The following MIS18BP1 variants were observed in gnomAD, a reference collection of about 807,000 sequenced individuals.
MIS18BP1 encodes the protein mis18-binding protein 1.
A neutral mutation model predicts 116.1 loss-of-function variants in MIS18BP1; 72 were observed. The ratio of observed to expected loss-of-function variants is 0.62; its 90% confidence interval spans 0.51 to 0.75. The LOEUF (loss-of-function observed/expected upper bound fraction) is 0.75, where lower values mean the gene tolerates loss of function less well. Ranked by LOEUF, MIS18BP1 falls within the 30% of genes least tolerant of loss-of-function variation. The pLI is 0.00. For missense variants in MIS18BP1, 1,363 were observed against 1,303.2 expected (o/e 1.05, Z -0.71); for synonymous variants, 386 against 427.0 (o/e 0.90, Z 1.18).
chr14:45,210,063 A>G (rs1295223713), intron 14 of MIS18BP1: 1 of 190,470 alleles, frequency 5.3e-6, no homozygotes, highest in Admixed American at 6.1e-5. Flanking sequence ...AGTTAGAAAG[A>G]CCATCACTAA....
chr14:45,242,435 T>C lies in MIS18BP1; in HGVS notation c.742A>G (p.Lys248Glu), dbSNP rs146886516. ...NKTLTRAQLA[K>E]QIFHSKESIV... is the part of the protein sequence containing the mutation. ...CTCTCCTTTGAGTGAAAAATTTGTTTAGCCAACTGAGCTCTAGTTAATGTC... is the reference window on the plus strand; with the variant it reads ...CTCTCCTTTGAGTGAAAAATTTGTTCAGCCAACTGAGCTCTAGTTAATGTC... The change falls in exon 4 of 17, where the codon AAA (lysine) becomes GAA (glutamate). Residue 248 changes from lysine (K) to glutamate (E), a missense_variant. Transcript: ENST00000310806. The C allele has an allele frequency of 2.6e-4, 413 of 1,613,824 alleles. 4 individuals are homozygous for C. Among genetic ancestry groups the C allele is most frequent in the African/African-American group, 1.7e-3 (129 of 75,028 alleles).
intron 14 of MIS18BP1, among the ~76,000 whole-genome samples, chr14:45,206,675 TAAATC>T (rs1401760646): frequency 1.3e-5 from 2 of 152,218 alleles, no homozygotes; most frequent in Non-Finnish European, 2.9e-5. Context: ...ACAAAATGCT[TAAATC>T]AAACATTTTA....
chr14:45,204,565 A>G (rs1000512552), intron 15 of MIS18BP1, 112 bp from the exon 16 acceptor site: 3 of 667,074 alleles, frequency 4.5e-6, no homozygotes, highest in South Asian at 2.2e-5. Context: ...ATATGCCTAT[A>G]ACAACATTTA....
At chr14:45,240,555 T>C (rs1392695527) in intron 4 of MIS18BP1, among the ~76,000 whole-genome samples, 1 of 152,072 alleles carries the variant, frequency 6.6e-6, no homozygotes, top group African/African-American at 2.4e-5. Flanking sequence ...GCACAGAATA[T>C]TCTTCTCAAC....
intron 6 of MIS18BP1, among the ~76,000 whole-genome samples, 186 bp from the exon 7 acceptor site, chr14:45,233,006 C>T (rs901558518): frequency 2.0e-5 from 3 of 152,150 alleles, no homozygotes; most frequent in African/African-American, 7.2e-5. Flanking sequence ...TGGAACTTGG[C>T]TTCTAATGTG....
intron 2 of MIS18BP1, among the ~76,000 whole-genome samples, chr14:45,243,956 A>G (rs948786284): frequency 6.6e-6 from 1 of 152,194 alleles, no homozygotes; most frequent in African/African-American, 2.4e-5. Flanking sequence ...TATTATATTT[A>G]AAAACTTTAA....
At chr14:45,240,175 G>C (rs1466533790) in intron 4 of MIS18BP1, among the ~76,000 whole-genome samples, 1 of 151,922 alleles carries the variant, frequency 6.6e-6, no homozygotes, top group Non-Finnish European at 1.5e-5. Flanking sequence ...CCTAGAGAGT[G>C]CGTGTAGGTA....
chr14:45,204,531 G>A (rs1391908472), intron 15 of MIS18BP1, 78 bp from the exon 16 acceptor site: 3 of 1,036,714 alleles, frequency 2.9e-6, no homozygotes, highest in Non-Finnish European at 4.3e-6. Flanking sequence ...AATTAAGCAT[G>A]CTTATCCCCA....
chr14:45,211,008 G>C (rs1019457079), intron 13 of MIS18BP1, among the ~76,000 whole-genome samples: 1 of 152,138 alleles, frequency 6.6e-6, no homozygotes, highest in Non-Finnish European at 1.5e-5. Context: ...GCCTGTAACC[G>C]AGTAGCGTGG....
At chr14:45,242,658 T>C in intron 3 of MIS18BP1, 103 bp downstream of exon 3, 1 of 1,450,888 alleles carries the variant, frequency 6.9e-7, no homozygotes, top group Non-Finnish European at 9.2e-7. Context: ...TTCAAGCTTT[T>C]GTCCACAGCT....
rs201283030 is a variant in MIS18BP1 at position 45,227,831 on chromosome 14, G to A, written c.1595-17C>T. 14 of 1,606,942 alleles carry A rather than the reference G, an allele frequency of 8.7e-6. No homozygotes were observed. The Admixed American group carries it at 2.0e-4, about 23-fold the overall frequency. The stretch of plus-strand genomic sequence containing the variant: ...TCTTCAGTTCTATGAATACAAAGAT[G>A]GAGATTTCAATAAATGGTTATATAA... On this transcript the variant is annotated splice_polypyrimidine_tract_variant and intron_variant, in intron 8 of 16. Coordinates refer to ENST00000310806, the MANE Select transcript of MIS18BP1 (RefSeq NM_018353.5).
At chr14:45,237,432 T>G (rs1471702060) in intron 5 of MIS18BP1, among the ~76,000 whole-genome samples, 1 of 152,310 alleles carries the variant, frequency 6.6e-6, no homozygotes, top group Admixed American at 6.5e-5. Flanking sequence ...TGAACTGTCA[T>G]TATTTTAAGA....
chr14:45,212,355 T>C (rs1890698620), intron 13 of MIS18BP1, among the ~76,000 whole-genome samples: 1 of 152,140 alleles, frequency 6.6e-6, no homozygotes, highest in East Asian at 1.9e-4. Flanking sequence ...GTTAGCTTCC[T>C]CCAGCTGGAA....
At chr14:45,241,273 C>A (rs941989142) in intron 4 of MIS18BP1, among the ~76,000 whole-genome samples, 6 of 152,170 alleles carry the variant, frequency 3.9e-5, no homozygotes, top group Non-Finnish European at 7.3e-5. Flanking sequence ...AGTCAGAGAC[C>A]AGCTTGGCCA....
chr14:45,233,353 G>C (rs1891340392), intron 6 of MIS18BP1, among the ~76,000 whole-genome samples: 1 of 152,080 alleles, frequency 6.6e-6, no homozygotes, highest in Non-Finnish European at 1.5e-5. Context: ...AGAGGCAGTA[G>C]GAAGCATGAG....
At chr14:45,242,997 C>T in intron 2 of MIS18BP1, 123 bp from the exon 3 acceptor site, 1 of 607,208 alleles carries the variant, frequency 1.6e-6, no homozygotes, top group South Asian at 2.4e-5. Context: ...CAGTATAGTA[C>T]TTTTGCAATA....
At chr14:45,235,047 G>A (rs935283759) in intron 6 of MIS18BP1, among the ~76,000 whole-genome samples, 2 of 151,880 alleles carry the variant, frequency 1.3e-5, no homozygotes, top group African/African-American at 4.8e-5. Context: ...GTGACACCCT[G>A]TCTCAAAAAT....
Position 45,226,892 on chromosome 14 carries a change from C to A in MIS18BP1, c.1747-56G>T, listed in dbSNP as rs190735692. 61 of 1,241,096 alleles carry A rather than the reference C, an allele frequency of 4.9e-5. No individual in the cohort carries two copies. In the African/African-American group the frequency reaches 8.5e-4, roughly 17 times the overall value. The allele number at this position is 1,241,096 out of a possible 1,614,324, so 76.9% of individuals were successfully genotyped here. ...TTTAAAACTACTACCAAAACATGAT[C>A]TGAAGCATTTTCATAGTATGCATCA... On this transcript the variant is annotated intron_variant, in intron 9 of 16. Coordinates refer to ENST00000310806, the MANE Select transcript of MIS18BP1 (RefSeq NM_018353.5).
chr14:45,203,674 TA>T lies in MIS18BP1; in HGVS notation c.*434del, dbSNP rs756425642. The T allele has an allele frequency of 4.4e-4, 67 of 152,946 alleles. No homozygotes were observed. Among genetic ancestry groups the T allele is most frequent in the Middle Eastern group, 3.4e-3 (1 of 296 alleles). 9.5% of individuals were successfully genotyped at this position (152,946 alleles called of 1,614,324 possible). ...GTAACAAATCCTACTCTGGCTTGGA[TA>T]ATAACTGCTAACAAATGCTAACTTA... On this transcript the variant is annotated 3_prime_UTR_variant, in exon 17 of 17. Coordinates refer to ENST00000310806, the MANE Select transcript of MIS18BP1 (RefSeq NM_018353.5).
Sources: gnomAD v4.1 joint callset for allele counts (sites outside exome capture counted in the v4.1 genomes callset) on GRCh38, gnomAD v4.1.1 for gene constraint, MANE v1.5 for transcripts, NCBI Gene and HGNC (gene_info 2026-07-23, HGNC 2026-07-21) for gene names.